Variants in LIN52 observed in about 807,000 individuals in gnomAD.
LIN52 encodes the protein lin-52 DREAM MuvB core complex component.
A neutral mutation model predicts 18.5 loss-of-function variants in LIN52; 4 were observed. The observed-to-expected ratio is 0.22, with a 90% CI of 0.11 to 0.49. The LOEUF (loss-of-function observed/expected upper bound fraction) is 0.49. Among genes scored for constraint, LIN52 ranks in the 20% least tolerant of loss-of-function variants. LIN52 has a pLI of 0.97. For missense variants in LIN52, 102 were observed against 139.5 expected (o/e 0.73, Z 1.35); for synonymous variants, 34 against 45.5 (o/e 0.75, Z 1.02).
Position 74,198,943 on chromosome 14 carries a change from A to T in LIN52, c.305A>T (p.Lys102Ile). The change falls in exon 6 of 6, where the codon AAA becomes ATA. Residue 102 changes from lysine to isoleucine, a missense_variant. By Grantham distance (102) the Lys-to-Ile change is moderately radical. Coordinates refer to ENST00000555028, the MANE Select transcript of LIN52 (RefSeq NM_001024674.3). Reference protein sequence around the residue: ...LDESREMTRGKFLNILEKPKK With the variant: ...LDESREMTRGIFLNILEKPKK ...CCAGCCAGAGAGATGACACGGGGGAAATTCCTCAATATTCTAGAGAAGCCC... is the reference window on the plus strand; with the variant it reads ...CCAGCCAGAGAGATGACACGGGGGATATTCCTCAATATTCTAGAGAAGCCC... 6 of 1,613,240 alleles carry T rather than the reference A, an allele frequency of 3.7e-6. No homozygotes were observed. The highest frequency in any genetic ancestry group is 5.1e-6 in the Non-Finnish European group (6 of 1,179,356).
intron 5 of LIN52, among the ~76,000 whole-genome samples, chr14:74,128,849 C>T (rs2061043481): frequency 6.6e-6 from 1 of 152,108 alleles, no homozygotes; most frequent in African/African-American, 2.4e-5. Flanking sequence ...GAGGCTGAGG[C>T]ATGAGAATCT....
intron 5 of LIN52, among the ~76,000 whole-genome samples, chr14:74,196,830 G>T (rs2078915330): frequency 6.6e-6 from 1 of 152,066 alleles, no homozygotes; most frequent in South Asian, 2.1e-4. Context: ...AGAAAAGTAG[G>T]GTATTAACAT....
chr14:74,127,965 G>T (rs2061038017), intron 5 of LIN52, among the ~76,000 whole-genome samples: 1 of 152,198 alleles, frequency 6.6e-6, no homozygotes, highest in Non-Finnish European at 1.5e-5. Flanking sequence ...GAGCATGTAA[G>T]TCAGTGGCAT....
chr14:74,135,055 TTTG>T lies in LIN52; in HGVS notation c.283+33831_283+33833del, dbSNP rs375589105. 8.3e-3 allele frequency among the ~76,000 whole-genome samples: 1,259 copies of T among 151,864 alleles called. 16 individuals are homozygous for T. The highest frequency in any genetic ancestry group is 0.029 in the African/African-American group (1,192 of 41,434). The stretch of plus-strand genomic sequence containing the variant: ...CCCTGAACCTTCTTTGAGGTAGGGA[TTTG>T]TTGTTGTTGTTGTCGTTGTTGTTTT... On this transcript the variant is annotated intron_variant, in intron 5 of 5. Transcript: ENST00000555028.
intron 5 of LIN52, among the ~76,000 whole-genome samples, chr14:74,110,042 AC>A (rs762184963): frequency 2.4e-4 from 37 of 152,116 alleles, no homozygotes; most frequent in Non-Finnish European, 4.9e-4. Context: ...TTTGGGAGAA[AC>A]CCACAGTGTT....
At chr14:74,182,379 A>G (rs1357231563) in intron 5 of LIN52, among the ~76,000 whole-genome samples, 2 of 151,284 alleles carry the variant, frequency 1.3e-5, no homozygotes, top group Non-Finnish European at 3.0e-5. Context: ...TGATGAATTT[A>G]TTGTTCAGTC....
intron 5 of LIN52, among the ~76,000 whole-genome samples, chr14:74,141,479 C>T (rs1315388287): frequency 6.6e-6 from 1 of 152,136 alleles, no homozygotes; most frequent in Admixed American, 6.5e-5. Context: ...TGACTTGGAC[C>T]TTATAAATGA....
chr14:74,135,157 C>T (rs1228847674), intron 5 of LIN52, among the ~76,000 whole-genome samples: 3 of 152,116 alleles, frequency 2.0e-5, no homozygotes, highest in African/African-American at 4.8e-5. Flanking sequence ...CTCCGCTTCC[C>T]GGGTTCAAGC....
chr14:74,102,938 T>C (rs1249459201), intron 5 of LIN52, among the ~76,000 whole-genome samples: 1 of 149,202 alleles, frequency 6.7e-6, no homozygotes, highest in East Asian at 1.9e-4. Context: ...GCTTCAGTAA[T>C]CAACATATAG....
chr14:74,103,733 GTTTTTTTTTTT>G (rs573188668), intron 5 of LIN52, among the ~76,000 whole-genome samples: 4,363 of 45,916 alleles, frequency 0.095, 270 homozygotes, highest in South Asian at 0.26. Flanking sequence ...GGCCTGGCCA[GTTTTTTTTTTT>G]TTTTTTTTTT....
chr14:74,109,727 G>A (rs956507253), intron 5 of LIN52, among the ~76,000 whole-genome samples: 1 of 152,170 alleles, frequency 6.6e-6, no homozygotes, highest in African/African-American at 2.4e-5. Context: ...AAATGGAATT[G>A]TTGTCTTAAT....
At chr14:74,175,111 A>G (rs2061287223) in intron 5 of LIN52, among the ~76,000 whole-genome samples, 2 of 151,668 alleles carry the variant, frequency 1.3e-5, no homozygotes, top group South Asian at 4.2e-4. Flanking sequence ...TGGGTTAGTC[A>G]GTGAGTGAGT....
At position 74,103,733 on chromosome 14, in the gene LIN52, G is replaced by GTTTTTTT. The variant is rs573188668; in HGVS notation, c.283+2525_283+2531dup. Among the ~76,000 whole-genome samples the GTTTTTTT allele has an allele frequency of 1.5e-4, 7 of 46,036 alleles. 1 individual carries two copies. The highest frequency in any genetic ancestry group is 3.6e-4 in the Admixed American group (1 of 2,808). The allele number at this position is 46,036 out of a possible 152,430, so 30.2% of individuals were successfully genotyped here. A position where few individuals can be genotyped will look rare whatever the true frequency, so the allele number is the denominator to read the frequency against. On this transcript the variant is annotated intron_variant, in intron 5 of 5. Transcript: ENST00000555028. ...AGGTGTGAGCCACCGGGCCTGGCCA[G>GTTTTTTT]TTTTTTTTTTTTTTTTTTTTTTTTT...
At chr14:74,189,019 T>C (rs1159217655) in intron 5 of LIN52, among the ~76,000 whole-genome samples, 1 of 152,192 alleles carries the variant, frequency 6.6e-6, no homozygotes, top group South Asian at 2.1e-4. Context: ...GTTGTCTGAA[T>C]ATGCAGGTCA....
chr14:74,151,727 G>T (rs540641889), intron 5 of LIN52, among the ~76,000 whole-genome samples: 1 of 152,276 alleles, frequency 6.6e-6, no homozygotes, highest in Admixed American at 6.5e-5. Flanking sequence ...CAGTTAAAAG[G>T]ACGAAACATG....
At chr14:74,147,361 A>T (rs1014255949) in intron 5 of LIN52, among the ~76,000 whole-genome samples, 2 of 152,222 alleles carry the variant, frequency 1.3e-5, no homozygotes, top group African/African-American at 4.8e-5. Flanking sequence ...GGACCTAAAT[A>T]TAAGAGCTGA....
At chr14:74,176,116 A>G (rs1041164122) in intron 5 of LIN52, among the ~76,000 whole-genome samples, 1 of 152,180 alleles carries the variant, frequency 6.6e-6, no homozygotes, top group Non-Finnish European at 1.5e-5. Flanking sequence ...ATCTCCTGTG[A>G]TAACAGTGCC....
At chr14:74,195,022 T>C (rs983733329) in intron 5 of LIN52, among the ~76,000 whole-genome samples, 3 of 152,118 alleles carry the variant, frequency 2.0e-5, no homozygotes, top group Non-Finnish European at 4.4e-5. Context: ...GGTGCATGCT[T>C]GTAATCCCAG....
At chr14:74,131,241 G>A (rs972748195) in intron 5 of LIN52, among the ~76,000 whole-genome samples, 1 of 151,832 alleles carries the variant, frequency 6.6e-6, no homozygotes, top group Non-Finnish European at 1.5e-5. Flanking sequence ...CCTGGTGTCA[G>A]CTTAGAATTC....
Sources: gnomAD v4.1 joint callset for allele counts (sites outside exome capture counted in the v4.1 genomes callset) on GRCh38, gnomAD v4.1.1 for gene constraint, MANE v1.5 for transcripts, NCBI Gene and HGNC (gene_info 2026-07-23, HGNC 2026-07-21) for gene names.